The following MED12L variants were observed in gnomAD, a reference collection of about 807,000 sequenced individuals.
MED12L encodes mediator of RNA polymerase II transcription subunit 12-like protein.
A neutral mutation model predicts 281.3 loss-of-function variants in MED12L; 60 were observed. That is an observed-to-expected ratio of 0.21 (90% confidence interval 0.17 to 0.26). The LOEUF is 0.26. MED12L is among the 10% of genes least tolerant of loss of function. The pLI is 1.00. For synonymous variants in MED12L, 974 were observed against 987.2 expected (o/e 0.99, Z 0.25); for missense variants, 2,146 against 2,680.9 (o/e 0.80, Z 4.41).
In MED12L at chr3:151,190,205, C is replaced by T. The variant is rs1360962526; in HGVS notation, c.1754-512C>T. Among the ~76,000 whole-genome samples, 3 of 149,598 alleles carry T rather than the reference C, an allele frequency of 2.0e-5. No individual in the cohort carries two copies. In the East Asian group the frequency reaches 5.9e-4, roughly 29 times the overall value. On this transcript the variant is annotated intron_variant, in intron 13 of 44. Coordinates refer to ENST00000687756, the MANE Select transcript of MED12L (RefSeq NM_001393769.1). ...TTTTTTTTTGAGATGGAGTTTCGCT[C>T]TTGTCGCCTAGGCTGGGGTACAGTG...
chr3:151,158,970 A>T (rs929506835), intron 7 of MED12L, among the ~76,000 whole-genome samples, 171 bp downstream of exon 7: 17 of 152,258 alleles, frequency 1.1e-4, no homozygotes, highest in Non-Finnish European at 2.4e-4. Context: ...AATAAGTTTT[A>T]GCCATCATTT....
At chr3:151,210,690 A>AG (rs1286726163) in intron 16 of MED12L, among the ~76,000 whole-genome samples, 3 of 152,242 alleles carry the variant, frequency 2.0e-5, no homozygotes, top group African/African-American at 7.2e-5. Flanking sequence ...GTTACAGAGT[A>AG]GCCATTAGCA....
intron 2 of MED12L, among the ~76,000 whole-genome samples, chr3:151,099,529 C>T (rs907324748): frequency 1.3e-5 from 2 of 152,050 alleles, no homozygotes; most frequent in African/African-American, 2.4e-5. Flanking sequence ...TTTTGCATAT[C>T]TCTTTAATGT....
At chr3:151,276,326 C>G (rs1416100269) in intron 16 of MED12L, among the ~76,000 whole-genome samples, 1 of 152,208 alleles carries the variant, frequency 6.6e-6, no homozygotes, top group Non-Finnish European at 1.5e-5. Flanking sequence ...AGATCCACTG[C>G]TCTATCCAAA....
intron 16 of MED12L, among the ~76,000 whole-genome samples, chr3:151,264,845 A>G (rs921434310): frequency 3.9e-5 from 6 of 152,164 alleles, no homozygotes; most frequent in African/African-American, 1.4e-4. Context: ...ATGGCTCTAC[A>G]TGACCAGCTG....
chr3:151,324,269 G>T (rs766201), intron 16 of MED12L, among the ~76,000 whole-genome samples: 1 of 152,210 alleles, frequency 6.6e-6, no homozygotes, highest in Non-Finnish European at 1.5e-5. Context: ...CAGGCATTCA[G>T]GAAATGAGTG....
chr3:151,357,437 A>G, intron 20 of MED12L, 61 bp downstream of exon 20: 2 of 1,427,270 alleles, frequency 1.4e-6, no homozygotes, highest in Non-Finnish European at 9.4e-7. Context: ...TAGTGATGAA[A>G]TATTATAGTG....
chr3:151,331,695 A>C (rs1035898866), intron 16 of MED12L, among the ~76,000 whole-genome samples: 2 of 152,232 alleles, frequency 1.3e-5, no homozygotes, highest in Non-Finnish European at 2.9e-5. Flanking sequence ...CTAAACATTT[A>C]AGATCCTATA....
intron 11 of MED12L, among the ~76,000 whole-genome samples, chr3:151,174,845 T>C (rs1189723126): frequency 1.3e-5 from 2 of 152,084 alleles, no homozygotes; most frequent in African/African-American, 4.8e-5. Flanking sequence ...TAGCTGGGAC[T>C]GCAGGCACAC....
At chr3:151,406,825 G>T in intron 39 of MED12L, among the ~76,000 whole-genome samples, 1 of 137,146 alleles carries the variant, frequency 7.3e-6, no homozygotes, top group East Asian at 2.1e-4. Context: ...TTTTGAGATA[G>T]GGTCTCATTC....
intron 1 of MED12L, among the ~76,000 whole-genome samples, chr3:151,086,163 C>T (rs1192322038): frequency 1.3e-5 from 2 of 152,210 alleles, no homozygotes; most frequent in Non-Finnish European, 2.9e-5. Context: ...CAGCAGCGCG[C>T]CTCGGCGCCT....
At position 151,417,146 on chromosome 3, in the gene MED12L, A is replaced by T. The variant is rs530116006; in HGVS notation, c.6408+724A>T. 6.4e-4 allele frequency among the ~76,000 whole-genome samples: 97 copies of T among 152,374 alleles called. 1 individual carries two copies. The highest frequency in any genetic ancestry group is 3.4e-3 in the Middle Eastern group (1 of 294). On this transcript the variant is annotated intron_variant, in intron 43 of 44. Transcript: ENST00000687756. The stretch of plus-strand genomic sequence containing the variant: ...GTGAAAGTAAATACAAAAATAATTT[A>T]GAAGGGAATCTCCATTTAACTGAGT...
intron 37 of MED12L, among the ~76,000 whole-genome samples, chr3:151,389,675 A>ATGAGTG (rs1713926618): frequency 6.6e-6 from 1 of 152,202 alleles, no homozygotes; most frequent in South Asian, 2.1e-4. Flanking sequence ...TTTTTCAGTG[A>ATGAGTG]TGAGTGTCGT....
At chr3:151,299,434 C>CTCTTT (rs945335098) in intron 16 of MED12L, among the ~76,000 whole-genome samples, 8 of 99,696 alleles carry the variant, frequency 8.0e-5, no homozygotes, top group African/African-American at 1.5e-4. Context: ...CTCCTCTCCT[C>CTCTTT]TCTTTTCTTT....
chr3:151,110,559 A>G (rs563621325), intron 2 of MED12L, among the ~76,000 whole-genome samples: 2 of 152,244 alleles, frequency 1.3e-5, no homozygotes, highest in Non-Finnish European at 2.9e-5. Flanking sequence ...ATCAAGGTGC[A>G]TTTTTTTGGT....
intron 16 of MED12L, among the ~76,000 whole-genome samples, chr3:151,222,975 A>G (rs1729684010): frequency 6.6e-6 from 1 of 152,090 alleles, no homozygotes; most frequent in South Asian, 2.1e-4. Context: ...GGTATTTTAT[A>G]CCTATTTGAG....
intron 16 of MED12L, among the ~76,000 whole-genome samples, chr3:151,278,771 A>G (rs1450988976): frequency 6.6e-6 from 1 of 152,236 alleles, no homozygotes; most frequent in Non-Finnish European, 1.5e-5. Context: ...GCTTCACAGT[A>G]TAACGTGCAG....
chr3:151,213,349 G>A (rs777991723), intron 16 of MED12L: 1 of 1,612,736 alleles, frequency 6.2e-7, no homozygotes, highest in African/African-American at 1.3e-5. Context: ...TTTGATTCTG[G>A]AAATGTCTAG....
chr3:151,229,714 C>T (rs1289572676), intron 16 of MED12L, among the ~76,000 whole-genome samples: 1 of 152,052 alleles, frequency 6.6e-6, no homozygotes, highest in African/African-American at 2.4e-5. Context: ...ATCCGCCTGC[C>T]TCGGCCTCCC....
Sources: allele counts gnomAD v4.1 joint callset (sites outside exome capture counted in the v4.1 genomes callset), GRCh38; gene constraint gnomAD v4.1.1; transcripts MANE v1.5; gene names NCBI Gene and HGNC (gene_info 2026-07-23, HGNC 2026-07-21).